CHST11: variants seen among roughly 807,000 people sequenced by gnomAD.
CHST11 encodes C4S-1.
CHST11 carries 9 observed loss-of-function variants against 30.4 expected under a neutral mutation model. That is an observed-to-expected ratio of 0.30 (90% CI 0.18 to 0.52). The LOEUF is 0.52. CHST11 is among the 20% of genes least tolerant of loss of function. The pLI is 0.97. For missense variants in CHST11, 348 were observed against 460.6 expected (o/e 0.76, Z 2.24); for synonymous variants, 152 against 187.8 (o/e 0.81, Z 1.56).
rs1592817621 is a variant in CHST11, at chr12:104,651,434, A to T, written c.204+49443A>T. On this transcript the variant is annotated intron_variant, in intron 2 of 2. Transcript: ENST00000303694. ...GCCGTTCATCACTGCACACCTCAAC[A>T]GTGTTACCCACCACTGTTTTTCGGA... 2.6e-5 allele frequency among the ~76,000 whole-genome samples: 4 copies of T among 152,348 alleles called. No individual in the cohort carries two copies. In the South Asian group the frequency reaches 8.3e-4, roughly 32 times the overall value.
intron 1 of CHST11, among the ~76,000 whole-genome samples, chr12:104,506,824 A>G (rs1442783731): frequency 6.6e-6 from 1 of 152,206 alleles, no homozygotes; most frequent in Non-Finnish European, 1.5e-5. Context: ...TTACTTGGCT[A>G]GAGGAGGGAC....
chr12:104,532,352 C>T (rs746982763), intron 1 of CHST11, among the ~76,000 whole-genome samples: 10 of 144,214 alleles, frequency 6.9e-5, no homozygotes, highest in Admixed American at 1.4e-4. Context: ...GAGCCAAAGA[C>T]GGTGTATTGG....
chr12:104,524,627 C>T (rs747272998), intron 1 of CHST11, among the ~76,000 whole-genome samples: 4 of 152,050 alleles, frequency 2.6e-5, no homozygotes, highest in South Asian at 2.1e-4. Context: ...CTCATCCATC[C>T]GTCCGTCCAT....
intron 2 of CHST11, among the ~76,000 whole-genome samples, chr12:104,616,864 G>A (rs1188949153): frequency 1.3e-5 from 2 of 152,194 alleles, no homozygotes; most frequent in South Asian, 2.1e-4. Flanking sequence ...CCTCAAGTAG[G>A]TTAGGTCACA....
At chr12:104,692,480 G>A (rs1297002936) in intron 2 of CHST11, among the ~76,000 whole-genome samples, 1 of 152,218 alleles carries the variant, frequency 6.6e-6, no homozygotes, top group Admixed American at 6.5e-5. Context: ...GAGGGAAACT[G>A]TTGTTATTTT....
At chr12:104,537,695 T>TC (rs748240941) in intron 1 of CHST11, among the ~76,000 whole-genome samples, 6 of 86,382 alleles carry the variant, frequency 6.9e-5, no homozygotes, top group Non-Finnish European at 1.5e-4. Context: ...CCTCCCTGCT[T>TC]TTTTTTTTTT....
chr12:104,733,556 T>C (rs1350330219), intron 2 of CHST11, among the ~76,000 whole-genome samples: 2 of 152,208 alleles, frequency 1.3e-5, no homozygotes, highest in Non-Finnish European at 2.9e-5. Context: ...TTCTGAATGC[T>C]TTGCATATTC....
rs554924230 is a variant in CHST11, at chr12:104,602,754, C to T, written c.204+763C>T. On this transcript the variant is annotated intron_variant, in intron 2 of 2. Coordinates refer to ENST00000303694, the MANE Select transcript of CHST11 (RefSeq NM_018413.6). ...ACTAGCAGCAGCATCAGTGGACCTT[C>T]GATAGCCGTAGAGAAAGAGGGAAAA... Among the ~76,000 whole-genome samples the T allele has an allele frequency of 2.5e-3, 378 of 152,180 alleles. 11 individuals carry two copies. The highest frequency in any genetic ancestry group is 0.023 in the Admixed American group (356 of 15,288).
intron 1 of CHST11, among the ~76,000 whole-genome samples, chr12:104,592,503 G>A (rs2038869592): frequency 6.6e-6 from 1 of 151,988 alleles, no homozygotes; most frequent in South Asian, 2.1e-4. Context: ...ATTTAAGAGG[G>A]CTCTACCCCC....
chr12:104,542,200 C>T (rs1393947184), intron 1 of CHST11, among the ~76,000 whole-genome samples: 1 of 152,118 alleles, frequency 6.6e-6, no homozygotes, highest in African/African-American at 2.4e-5. Flanking sequence ...TATGGCAGTT[C>T]CCCCAAAAAT....
At chr12:104,680,839 T>C (rs1022905684) in intron 2 of CHST11, among the ~76,000 whole-genome samples, 1 of 152,216 alleles carries the variant, frequency 6.6e-6, no homozygotes, top group Admixed American at 6.5e-5. Context: ...CCCCTGTTCC[T>C]GCTGTGAGTG....
At chr12:104,617,148 G>T (rs17035985) in intron 2 of CHST11, among the ~76,000 whole-genome samples, 7,863 of 152,182 alleles carry the variant, frequency 0.052, 250 homozygotes, top group East Asian at 0.11. Flanking sequence ...GGCATTGAAC[G>T]GGTGCCTTTA....
chr12:104,680,022 T>C (rs1452332373), intron 2 of CHST11, among the ~76,000 whole-genome samples: 1 of 152,234 alleles, frequency 6.6e-6, no homozygotes, highest in African/African-American at 2.4e-5. Context: ...CTGCTTTCTT[T>C]AGAGTGACTT....
intron 2 of CHST11, among the ~76,000 whole-genome samples, chr12:104,742,086 T>C (rs1234107738): frequency 1.3e-5 from 2 of 152,248 alleles, no homozygotes; most frequent in African/African-American, 4.8e-5. Context: ...TACCATGCTA[T>C]GTGCTTTCCT....
intron 2 of CHST11, among the ~76,000 whole-genome samples, chr12:104,669,086 C>G (rs1447633095): frequency 6.6e-6 from 1 of 152,230 alleles, no homozygotes; most frequent in Admixed American, 6.5e-5. Context: ...CCCACTGCAG[C>G]GTGCGTTAGA....
intron 2 of CHST11, among the ~76,000 whole-genome samples, chr12:104,692,193 C>T (rs779793550): frequency 2.0e-5 from 3 of 152,188 alleles, no homozygotes; most frequent in Non-Finnish European, 4.4e-5. Flanking sequence ...ACCCACAGAG[C>T]GAACCTCGGT....
intron 2 of CHST11, among the ~76,000 whole-genome samples, chr12:104,719,959 C>T (rs1225694065): frequency 6.6e-6 from 1 of 152,234 alleles, no homozygotes; most frequent in East Asian, 1.9e-4. Context: ...AGGAATGGGT[C>T]CCTGCTCCGT....
chr12:104,573,801 C>T (rs2038654273), intron 1 of CHST11, among the ~76,000 whole-genome samples: 1 of 152,142 alleles, frequency 6.6e-6, no homozygotes, highest in African/African-American at 2.4e-5. Context: ...TAGGCACAGG[C>T]AAAGACTTCA....
intron 2 of CHST11, among the ~76,000 whole-genome samples, chr12:104,631,806 T>A (rs2039272926): frequency 6.6e-6 from 1 of 152,202 alleles, no homozygotes. Context: ...AAACCTAACC[T>A]AAGACCCTTC....
Sources: gnomAD v4.1 joint callset for allele counts (sites outside exome capture counted in the v4.1 genomes callset) on GRCh38, gnomAD v4.1.1 for gene constraint, MANE v1.5 for transcripts, NCBI Gene and HGNC (gene_info 2026-07-23, HGNC 2026-07-21) for gene names.